Variants in ACTN1 observed in about 807,000 individuals in gnomAD.
The protein encoded by ACTN1 is alpha-actinin-1.
A neutral mutation model predicts 119.6 loss-of-function variants in ACTN1; 30 were observed. That is an observed-to-expected ratio of 0.25 (90% CI 0.19 to 0.34). The LOEUF (loss-of-function observed/expected upper bound fraction) is 0.34. Ranked by LOEUF, ACTN1 falls within the 10% of genes least tolerant of loss-of-function variation. ACTN1 has a pLI of 1.00. For missense variants in ACTN1, 764 were observed against 1,223.4 expected (o/e 0.62, Z 5.60); for synonymous variants, 429 against 472.6 (o/e 0.91, Z 1.20).
intron 2 of ACTN1, 69 bp from the exon 3 acceptor site, chr14:68,921,194 T>TAC (rs2034625773): frequency 6.3e-7 from 1 of 1,578,234 alleles, no homozygotes; most frequent in African/African-American, 1.4e-5. Context: ...CTACTACCAC[T>TAC]ACACCCTCAT....
chr14:68,971,311 A>C (rs1346443927), intron 1 of ACTN1, among the ~76,000 whole-genome samples: 2 of 152,208 alleles, frequency 1.3e-5, no homozygotes, highest in Non-Finnish European at 2.9e-5. Flanking sequence ...CTTACTTGGA[A>C]AACCAAGACA....
chr14:68,880,693 G>T lies in ACTN1; in HGVS notation c.2133+117C>A. 3 of 1,061,188 alleles carry T rather than the reference G, an allele frequency of 2.8e-6. No homozygotes were observed. Among genetic ancestry groups the T allele is most frequent in the Non-Finnish European group, 2.8e-6 (2 of 722,570 alleles). 65.7% of individuals were successfully genotyped at this position (1,061,188 alleles called of 1,614,324 possible). A position where few individuals can be genotyped will look rare whatever the true frequency, so the allele number is the denominator to read the frequency against. On this transcript the variant is annotated intron_variant, in intron 17 of 21. Transcript: ENST00000394419. This position sits in a 1 kb window ranked among gnomAD's most constrained non-coding sequence, Gnocchi z 4.6. The stretch of plus-strand genomic sequence containing the variant: ...AAAAATTGAAGATGTGAGGCTTCAG[G>T]GGTGAAGTTAATTTATCCTCCAACT...
chr14:68,957,663 G>A (rs1432983127), intron 1 of ACTN1, among the ~76,000 whole-genome samples: 1 of 152,182 alleles, frequency 6.6e-6, no homozygotes, highest in Non-Finnish European at 1.5e-5. Context: ...GAGCTACCCA[G>A]TAACAGAAGC....
At chr14:68,935,661 C>T (rs1216820960) in intron 1 of ACTN1, among the ~76,000 whole-genome samples, 1 of 152,162 alleles carries the variant, frequency 6.6e-6, no homozygotes, top group African/African-American at 2.4e-5. Context: ...GCTGGGATTA[C>T]AGGCATGAGC....
intron 1 of ACTN1, among the ~76,000 whole-genome samples, chr14:68,950,462 G>GTGTGTGTGTGTGTGTGTGTGTATA: frequency 0.021 from 2,615 of 125,928 alleles, 298 homozygotes; most frequent in African/African-American, 0.1. Flanking sequence ...ATGCGTGTGT[G>GTGTGTGTGTGTGTGTGTGTGTATA]TATATATATA....
In ACTN1 at chr14:68,880,093, A is replaced by G. The variant is rs1319636314; in HGVS notation, c.2149T>C (p.Trp717Arg). The change falls in exon 18 of 22, where the codon TGG becomes CGG. Residue 717 changes from tryptophan (W) to arginine (R), a missense_variant. Coordinates refer to ENST00000394419, the MANE Select transcript of ACTN1 (RefSeq NM_001130004.2). This position sits in a 1 kb window ranked among gnomAD's most constrained non-coding sequence, Gnocchi z 4.6. ...GCGATGGTGGTGAGCAGCTGCTCCC[A>G]GCCCACACGGATGTGCTGCAGGACG... is the stretch of plus-strand genomic sequence containing the variant. ...NYTMEHIRVGWEQLLTTIART... is the reference protein window; with the variant it reads ...NYTMEHIRVGREQLLTTIART... The G allele has an allele frequency of 6.2e-7, 1 of 1,614,098 alleles. No individual in the cohort carries two copies. Among genetic ancestry groups the G allele is most frequent in the Non-Finnish European group, 8.5e-7 (1 of 1,179,978 alleles).
chr14:68,919,381 C>G (rs140417579), intron 3 of ACTN1, among the ~76,000 whole-genome samples: 97 of 152,342 alleles, frequency 6.4e-4, no homozygotes, highest in African/African-American at 2.2e-3. Flanking sequence ...CACTAACCAC[C>G]TGGGTGACTT....
chr14:68,956,377 A>G (rs146770086), intron 1 of ACTN1, among the ~76,000 whole-genome samples: 1 of 152,358 alleles, frequency 6.6e-6, no homozygotes, highest in East Asian at 1.9e-4. Flanking sequence ...AACTCTTTCC[A>G]TTCAGACTGA....
At chr14:68,876,365 C>G (rs375442523) in intron 21 of ACTN1, among the ~76,000 whole-genome samples, 1 of 152,144 alleles carries the variant, frequency 6.6e-6, no homozygotes, top group Non-Finnish European at 1.5e-5. Flanking sequence ...AACACAGACC[C>G]TAGGCCCCCA....
chr14:68,889,298 T>C (rs1044760030), intron 11 of ACTN1, among the ~76,000 whole-genome samples: 2 of 152,096 alleles, frequency 1.3e-5, no homozygotes, highest in African/African-American at 4.8e-5. Context: ...TTCACTGTAA[T>C]TGGAGGCCAG....
At chr14:68,920,739 C>G (rs1450308453) in intron 3 of ACTN1, among the ~76,000 whole-genome samples, 3 of 152,158 alleles carry the variant, frequency 2.0e-5, no homozygotes, top group Non-Finnish European at 2.9e-5. Flanking sequence ...GCCACACACA[C>G]AGGACTCCAC....
Position 68,885,279 on chromosome 14 carries a change from C to G in ACTN1, c.1385+146G>C. 9.3e-7 allele frequency: 1 copy of G among 1,078,506 alleles called. No homozygotes were observed. Among genetic ancestry groups the G allele is most frequent in the Non-Finnish European group, 1.3e-6 (1 of 775,218 alleles). The allele number at this position is 1,078,506 out of a possible 1,614,324, so 66.8% of individuals were successfully genotyped here. A position where few individuals can be genotyped will look rare whatever the true frequency, so the allele number is the denominator to read the frequency against. On this transcript the variant is annotated intron_variant, in intron 12 of 21. Coordinates refer to ENST00000394419, the MANE Select transcript of ACTN1 (RefSeq NM_001130004.2). This position sits in a 1 kb window ranked among gnomAD's most constrained non-coding sequence, Gnocchi z 5.6. ...CTTCCCCACCAGGAGAGATATTTGTCTCCTGCGTTGACTCCCTCCCCACCT... is the reference window on the plus strand; with the variant it reads ...CTTCCCCACCAGGAGAGATATTTGTGTCCTGCGTTGACTCCCTCCCCACCT...
chr14:68,910,404 C>T (rs1232813428), intron 4 of ACTN1, among the ~76,000 whole-genome samples: 2 of 152,186 alleles, frequency 1.3e-5, no homozygotes, highest in African/African-American at 4.8e-5. Context: ...GGGAAATCTA[C>T]ACATCTAGGG....
At position 68,892,221 on chromosome 14, in the gene ACTN1, C is replaced by A. The variant is rs758945675; in HGVS notation, c.918G>T (p.Met306Ile). The change falls in exon 10 of 22, where the codon ATG (methionine) becomes ATT (isoleucine). Residue 306 changes from methionine to isoleucine, a missense_variant. Met to Ile is a conservative substitution (Grantham distance 10, BLOSUM62 1). Around this residue, in one of 4 missense-constraint regions of ACTN1, gnomAD observed 544 missense variants for 912.0 expected, o/e 0.60. Transcript: ENST00000394419. ...WLENRVPENT[M>I]HAMQQKLEDF... ...CCTCCAGCTTCTGTTGCATGGCATG[C>A]ATGGTGTTCTCGGGCACCCGGTTCT... 1 of 1,614,172 alleles carries A rather than the reference C, an allele frequency of 6.2e-7. No homozygotes were observed.
chr14:68,958,002 G>T (rs374590219), intron 1 of ACTN1, among the ~76,000 whole-genome samples: 1 of 152,146 alleles, frequency 6.6e-6, no homozygotes, highest in Non-Finnish European at 1.5e-5. Flanking sequence ...TCAGATCTGG[G>T]CAAAACTTTC....
intron 11 of ACTN1, chr14:68,887,802 C>A (rs897862378): frequency 7.6e-6 from 7 of 925,422 alleles, no homozygotes; most frequent in Non-Finnish European, 1.3e-5. Flanking sequence ...GACTCGGCTT[C>A]TTTCTCTCCT....
At chr14:68,944,909 A>G (rs1197494576) in intron 1 of ACTN1, among the ~76,000 whole-genome samples, 3 of 148,954 alleles carry the variant, frequency 2.0e-5, no homozygotes. Flanking sequence ...TGGGTCAGGT[A>G]GCTGTAGGTC....
At chr14:68,957,671 A>G (rs143261597) in intron 1 of ACTN1, among the ~76,000 whole-genome samples, 9 of 152,314 alleles carry the variant, frequency 5.9e-5, no homozygotes, top group Non-Finnish European at 8.8e-5. Flanking sequence ...CAGTAACAGA[A>G]GCAACTCTGT....
intron 3 of ACTN1, among the ~76,000 whole-genome samples, chr14:68,918,630 G>A (rs373746467): frequency 2.7e-5 from 4 of 149,592 alleles, no homozygotes; most frequent in African/African-American, 9.9e-5. Context: ...GCGCGGTGGC[G>A]CACACCTGTA....
Sources: gnomAD v4.1 joint callset for allele counts (sites outside exome capture counted in the v4.1 genomes callset) on GRCh38, gnomAD v4.1.1 for gene constraint, gnomAD v4.1.1 regional missense constraint, Gnocchi (gnomAD v3.1) non-coding constraint, MANE v1.5 for transcripts, NCBI Gene and HGNC (gene_info 2026-07-23, HGNC 2026-07-21) for gene names.